The following PBRM1 variants were observed in gnomAD, a reference collection of about 807,000 sequenced individuals.
PBRM1 encodes the protein protein polybromo-1.
PBRM1 carries 27 observed loss-of-function variants against 194.5 expected under a neutral mutation model. That is an observed-to-expected ratio of 0.14 (90% CI 0.10 to 0.19). The LOEUF (loss-of-function observed/expected upper bound fraction) is 0.19, where lower values mean the gene tolerates loss of function less well. Among genes scored for constraint, PBRM1 ranks in the 10% least tolerant of loss-of-function variants. PBRM1 has a pLI of 1.00. For synonymous variants in PBRM1, 655 were observed against 693.2 expected (o/e 0.94, Z 0.87); for missense variants, 1,466 against 2,077.2 (o/e 0.71, Z 5.72).
chr3:52,616,972 A>G (rs1441119502), intron 14 of PBRM1, among the ~76,000 whole-genome samples: 1 of 152,188 alleles, frequency 6.6e-6, no homozygotes, highest in African/African-American at 2.4e-5. Flanking sequence ...AAGTACTATT[A>G]TTAGCCCTAA....
chr3:52,548,061 G>T, exon 30 of PBRM1: 1 of 1,608,806 alleles, frequency 6.2e-7, no homozygotes, highest in Non-Finnish European at 8.5e-7. Flanking sequence ...GTAATGATGT[G>T]ATTAAACATT....
chr3:52,633,853 GTTTT>G (rs566804223), intron 11 of PBRM1, among the ~76,000 whole-genome samples: 1 of 150,780 alleles, frequency 6.6e-6, no homozygotes, highest in African/African-American at 2.4e-5. Context: ...TCTGAATTGG[GTTTT>G]TTTTTGTGGT....
chr3:52,651,680 A>AG, intron 6 of PBRM1, 62 bp downstream of exon 7: 1 of 894,942 alleles, frequency 1.1e-6, no homozygotes, highest in Non-Finnish European at 1.7e-6. Context: ...AAAAGCTTCT[A>AG]GGAAAGATCA....
At chr3:52,579,152 G>A (rs1319433719) in exon 21 of PBRM1, 1 of 1,613,918 alleles carries the variant, frequency 6.2e-7, no homozygotes, top group Non-Finnish European at 8.5e-7. Context: ...CAAAGTAGTG[G>A]CAACCTGGTT....
chr3:52,562,463 A>G (rs2083862976), intron 24 of PBRM1, among the ~76,000 whole-genome samples: 1 of 152,120 alleles, frequency 6.6e-6, no homozygotes, highest in Non-Finnish European at 1.5e-5. Flanking sequence ...CAAGTAAAAA[A>G]GAAATGAAAG....
chr3:52,674,090 G>C (rs1266996981), intron 2 of PBRM1, among the ~76,000 whole-genome samples: 1 of 151,228 alleles, frequency 6.6e-6, no homozygotes, highest in Non-Finnish European at 1.5e-5. Context: ...ATAGAATGCA[G>C]ATAAACGAAA....
rs867049823 is a variant in PBRM1 at position 52,676,047 on chromosome 3, G to A, written c.236+2453C>T. ...GGAGAATGGCGTGAACCCGGGAGGC[G>A]GAGCTTGCAGTGAGCCGAGATCCCG... is the stretch of plus-strand genomic sequence containing the variant. On this transcript the variant is annotated intron_variant, in intron 2 of 29. Coordinates refer to ENST00000296302, the Ensembl canonical transcript of PBRM1. Among the ~76,000 whole-genome samples the A allele has an allele frequency of 1.1e-3, 60 of 56,810 alleles. 13 individuals carry two copies. The highest frequency in any genetic ancestry group is 4.7e-3 in the African/African-American group (57 of 12,110). The allele number at this position is 56,810 out of a possible 152,430, so 37.3% of individuals were successfully genotyped here.
intron 10 of PBRM1, among the ~76,000 whole-genome samples, chr3:52,638,985 T>TGGGGG (rs1560631347): frequency 4.2e-5 from 2 of 47,766 alleles, no homozygotes; most frequent in African/African-American, 1.6e-4. Context: ...ACATTTTTTT[T>TGGGGG]TGGGGGGGGG....
chr3:52,661,788 A>G (rs2096730787), intron 4 of PBRM1, among the ~76,000 whole-genome samples: 1 of 152,214 alleles, frequency 6.6e-6, no homozygotes, highest in Admixed American at 6.5e-5. Context: ...TTACATTCCA[A>G]CTTCTAATCA....
chr3:52,642,931 C>T lies in PBRM1; in HGVS notation c.995+317G>A, dbSNP rs562598354. Reference sequence around the variant, plus strand: ...CCTCCCAAGTAGCTGGGATTACAGGCACCCGCCACCACACCCAGCTAATTT... The same window carrying T: ...CCTCCCAAGTAGCTGGGATTACAGGTACCCGCCACCACACCCAGCTAATTT... On this transcript the variant is annotated intron_variant, in intron 9 of 29. Coordinates refer to ENST00000296302, the Ensembl canonical transcript of PBRM1. 2.6e-5 allele frequency among the ~76,000 whole-genome samples: 4 copies of T among 152,006 alleles called. No individual in the cohort carries two copies. In the East Asian group the frequency reaches 7.8e-4, roughly 30 times the overall value.
chr3:52,569,088 A>G (rs2086220627), intron 22 of PBRM1, among the ~76,000 whole-genome samples: 1 of 152,028 alleles, frequency 6.6e-6, no homozygotes, highest in South Asian at 2.1e-4. Flanking sequence ...AGGTTTTGCC[A>G]TCTTGCCCAG....
At chr3:52,547,268 G>C (rs748188889), downstream of PBRM1, 3 of 232,954 alleles carry the variant, frequency 1.3e-5, no homozygotes, top group Non-Finnish European at 2.5e-5. Flanking sequence ...ACATACCTCA[G>C]GGTTGTGCAC....
intron 26 of PBRM1, among the ~76,000 whole-genome samples, chr3:52,557,020 G>A (rs75007672): frequency 6.7e-4 from 102 of 151,404 alleles, no homozygotes; most frequent in African/African-American, 1.4e-3. Context: ...GTGCCACAAC[G>A]TCACACATCA....
At chr3:52,552,476 T>TTC (rs1380651638) in intron 27 of PBRM1, among the ~76,000 whole-genome samples, 1 of 152,168 alleles carries the variant, frequency 6.6e-6, no homozygotes, top group Non-Finnish European at 1.5e-5. Flanking sequence ...ATATGGGGTT[T>TTC]CACCATGTTG....
chr3:52,576,860 A>G (rs565968279), intron 21 of PBRM1, among the ~76,000 whole-genome samples, 162 bp from the exon 24 acceptor site: 1 of 152,310 alleles, frequency 6.6e-6, no homozygotes, highest in Admixed American at 6.5e-5. Flanking sequence ...CCCCCATTAA[A>G]CACATGAAAA....
At chr3:52,606,788 G>A (rs1390231709) in intron 16 of PBRM1, among the ~76,000 whole-genome samples, 1 of 152,238 alleles carries the variant, frequency 6.6e-6, no homozygotes, top group Non-Finnish European at 1.5e-5. Flanking sequence ...TCTTTTACCT[G>A]CAAGGGGATC....
rs563316447 is a variant in PBRM1, at chr3:52,614,062, T to C, written c.1924+1289A>G. On this transcript the variant is annotated intron_variant, in intron 15 of 29. Coordinates refer to ENST00000296302, the Ensembl canonical transcript of PBRM1. ...CAAATCTACTATCAAATTTAGTTGA[T>C]AGTAATTTCAGATAAGAAAGCTAGT... Among the ~76,000 whole-genome samples, 9 of 152,238 alleles carry C rather than the reference T, an allele frequency of 5.9e-5. No homozygotes were observed. In the South Asian group the frequency reaches 1.5e-3, roughly 25 times the overall value.
chr3:52,591,191 G>T (rs1219595121), intron 17 of PBRM1, among the ~76,000 whole-genome samples: 2 of 152,156 alleles, frequency 1.3e-5, no homozygotes, highest in African/African-American at 2.4e-5. Flanking sequence ...ATAGAATTAA[G>T]TCATCTGCAA....
chr3:52,584,145 C>A (rs1296446563), intron 20 of PBRM1, among the ~76,000 whole-genome samples: 2 of 152,066 alleles, frequency 1.3e-5, no homozygotes, highest in African/African-American at 4.8e-5. Flanking sequence ...TGTCAAGTTT[C>A]AAAAACAATC....
Sources: allele counts gnomAD v4.1 joint callset (sites outside exome capture counted in the v4.1 genomes callset), GRCh38; gene constraint gnomAD v4.1.1; transcripts MANE v1.5; gene names NCBI Gene and HGNC (gene_info 2026-07-23, HGNC 2026-07-21).